CFAP144: variants seen among roughly 807,000 people sequenced by gnomAD.
The protein encoded by CFAP144 is cilia- and flagella-associated protein 144.
chr1:43,145,016 G>C, the CFAP144 span: 1 of 536,752 alleles, frequency 1.9e-6, no homozygotes, highest in South Asian at 2.2e-5. Context: ...TAAGTGACAG[G>C]ACCCCTTTTC....
the CFAP144 span, among the ~76,000 whole-genome samples, chr1:43,147,109 T>C: frequency 1.1e-4 from 17 of 152,222 alleles, no homozygotes; most frequent in Non-Finnish European, 1.9e-4. Context: ...CCTCCCAAAG[T>C]GCTGGGATTA....
chr1:43,156,189 T>G, the CFAP144 span: 1 of 1,611,654 alleles, frequency 6.2e-7, no homozygotes, highest in Non-Finnish European at 8.5e-7. Flanking sequence ...TTTCTGATTC[T>G]GCATCCTCCT....
At chr1:43,153,121 C>G in the CFAP144 span, 2 of 624,244 alleles carry the variant, frequency 3.2e-6, no homozygotes, top group Non-Finnish European at 5.3e-6. Context: ...CAGTACCTAT[C>G]TCATAAGCTT....
chr1:43,145,441 C>T, the CFAP144 span: 1 of 677,800 alleles, frequency 1.5e-6, no homozygotes, highest in South Asian at 1.8e-5. Flanking sequence ...TTTTCTTCAT[C>T]CTAGGATTCC....
At chr1:43,156,345 A>G in the CFAP144 span, 26 of 1,520,442 alleles carry the variant, frequency 1.7e-5, no homozygotes, top group East Asian at 5.8e-4. Flanking sequence ...CTGTGGATCT[A>G]ATGCCTTAAG....
chr1:43,148,481 A>G, the CFAP144 span, among the ~76,000 whole-genome samples: 1 of 152,098 alleles, frequency 6.6e-6, no homozygotes, highest in African/African-American at 2.4e-5. Context: ...GCCCCCTGAT[A>G]AAACATCCCT....
At chr1:43,144,053 G>A in the CFAP144 span, among the ~76,000 whole-genome samples, 2 of 152,194 alleles carry the variant, frequency 1.3e-5, no homozygotes, top group Non-Finnish European at 2.9e-5. Context: ...TGTTGTCAGG[G>A]AAGGAGACTG....
At chr1:43,154,207 T>C in the CFAP144 span, among the ~76,000 whole-genome samples, 1 of 139,190 alleles carries the variant, frequency 7.2e-6, no homozygotes, top group Non-Finnish European at 1.5e-5. Flanking sequence ...TAAAATTATA[T>C]ATAAATTATT....
At chr1:43,155,616 G>A in the CFAP144 span, among the ~76,000 whole-genome samples, 3 of 152,206 alleles carry the variant, frequency 2.0e-5, no homozygotes, top group Non-Finnish European at 2.9e-5. Flanking sequence ...AACCAGAAGA[G>A]GTAATTAAGT....
At chr1:43,152,310 A>G in the CFAP144 span, among the ~76,000 whole-genome samples, 36 of 152,116 alleles carry the variant, frequency 2.4e-4, no homozygotes, top group Non-Finnish European at 4.0e-4. Context: ...CTGTTGTGCT[A>G]CACTGGCCAA....
At chr1:43,153,974 C>T in the CFAP144 span, among the ~76,000 whole-genome samples, 3 of 148,638 alleles carry the variant, frequency 2.0e-5, no homozygotes, top group African/African-American at 4.9e-5. Flanking sequence ...TTAGGAAAAC[C>T]TTCAACACCT....
chr1:43,154,627 A>G, the CFAP144 span, among the ~76,000 whole-genome samples: 1 of 152,278 alleles, frequency 6.6e-6, no homozygotes, highest in Non-Finnish European at 1.5e-5. Context: ...TCAATATTCA[A>G]TGACTGTTAA....
At chr1:43,147,805 G>A in the CFAP144 span, 1 of 1,497,566 alleles carries the variant, frequency 6.7e-7, no homozygotes, top group Admixed American at 2.6e-5. Context: ...TAAGGGGCTG[G>A]CAGAGTGAGA....
At chr1:43,147,557 C>T in the CFAP144 span, among the ~76,000 whole-genome samples, 2 of 152,176 alleles carry the variant, frequency 1.3e-5, no homozygotes, top group African/African-American at 4.8e-5. Flanking sequence ...GGAGAGGTTT[C>T]TGACTCCTTC....
the CFAP144 span, among the ~76,000 whole-genome samples, chr1:43,154,449 C>G: frequency 7.4e-6 from 1 of 136,004 alleles, no homozygotes; most frequent in South Asian, 2.3e-4. Context: ...TACATATATA[C>G]GCACCTACAA....
At chr1:43,152,325 G>A in the CFAP144 span, among the ~76,000 whole-genome samples, 1 of 152,068 alleles carries the variant, frequency 6.6e-6, no homozygotes, top group East Asian at 1.9e-4. Context: ...GGCCAAACTC[G>A]CTCATGCCTC....
the CFAP144 span, among the ~76,000 whole-genome samples, chr1:43,150,209 G>A: frequency 1.3e-5 from 2 of 152,150 alleles, no homozygotes; most frequent in Non-Finnish European, 2.9e-5. Context: ...AAAAGCTCAG[G>A]GGACACAAGA....
At chr1:43,145,258 A>G in the CFAP144 span, 1 of 1,550,050 alleles carries the variant, frequency 6.5e-7, no homozygotes, top group South Asian at 1.2e-5. Flanking sequence ...AATGAAGAGG[A>G]GAGTGAAGAG....
chr1:43,156,275 GC>G, the CFAP144 span: 1 of 1,614,012 alleles, frequency 6.2e-7, no homozygotes. Flanking sequence ...TCTGTACAAG[GC>G]TAAAACGTGG....
Sources: allele counts gnomAD v4.1 joint callset (sites outside exome capture counted in the v4.1 genomes callset), GRCh38; gene constraint gnomAD v4.1.1; transcripts MANE v1.5; gene names NCBI Gene and HGNC (gene_info 2026-07-23, HGNC 2026-07-21).